Variants in CATSPERT observed in about 807,000 individuals in gnomAD.
CATSPERT encodes the protein catsper channel auxiliary subunit tau, also known as cation channel sperm-associated targeting subunit tau.
the CATSPERT span, among the ~76,000 whole-genome samples, chr2:201,591,403 C>T: frequency 1.6e-4 from 25 of 152,072 alleles, no homozygotes; most frequent in African/African-American, 2.4e-4. Context: ...TAGTATAGTT[C>T]GAAGTCAGGT....
At chr2:201,594,808 G>A in the CATSPERT span, among the ~76,000 whole-genome samples, 143 of 152,070 alleles carry the variant, frequency 9.4e-4, no homozygotes, top group South Asian at 8.9e-3. Context: ...CGTAGTTCTC[G>A]AGCCTTGGTT....
the CATSPERT span, among the ~76,000 whole-genome samples, chr2:201,510,057 CCAGGGACTTAATGTGAT>C: frequency 7.9e-5 from 12 of 150,952 alleles, 1 homozygote; most frequent in African/African-American, 2.5e-4. Context: ...ATGGCTGGCT[CCAGGGACTTAATGTGAT>C]CAGGACACTC....
chr2:201,565,839 T>G, the CATSPERT span: 2 of 1,609,914 alleles, frequency 1.2e-6, no homozygotes, highest in South Asian at 2.2e-5. Flanking sequence ...ATAAGAATGC[T>G]GGATATTCTA....
the CATSPERT span, among the ~76,000 whole-genome samples, chr2:201,596,514 C>T: frequency 6.6e-6 from 1 of 152,088 alleles, no homozygotes; most frequent in Non-Finnish European, 1.5e-5. Context: ...GTACAACAAA[C>T]CCCCATGACA....
At chr2:201,564,080 G>T in the CATSPERT span, among the ~76,000 whole-genome samples, 1 of 152,318 alleles carries the variant, frequency 6.6e-6, no homozygotes. Flanking sequence ...CCCCAAAAGA[G>T]AATGAGTGTC....
At chr2:201,549,878 T>C in the CATSPERT span, 3 of 152,244 alleles carry the variant, frequency 2.0e-5, no homozygotes, top group East Asian at 1.9e-4. Context: ...ATGAATCCTA[T>C]ACATGATAGG....
At chr2:201,530,961 G>GTTT in the CATSPERT span, among the ~76,000 whole-genome samples, 4 of 106,046 alleles carry the variant, frequency 3.8e-5, no homozygotes, top group South Asian at 3.4e-4. Flanking sequence ...TTTTTTGTGG[G>GTTT]TTTTTTTTTT....
the CATSPERT span, among the ~76,000 whole-genome samples, chr2:201,498,064 A>T: frequency 6.6e-6 from 1 of 152,214 alleles, no homozygotes; most frequent in African/African-American, 2.4e-5. Context: ...GAAGCAATAC[A>T]TTCCAAGTCA....
At chr2:201,536,413 C>T in the CATSPERT span, 7 of 1,399,216 alleles carry the variant, frequency 5.0e-6, no homozygotes, top group Non-Finnish European at 6.7e-6. Flanking sequence ...TCAATTGTAC[C>T]CTTATCCTTT....
chr2:201,613,161 T>G, the CATSPERT span, among the ~76,000 whole-genome samples: 2 of 152,224 alleles, frequency 1.3e-5, no homozygotes, highest in Non-Finnish European at 2.9e-5. Flanking sequence ...CAGAAACTTC[T>G]ACAGACTTAA....
At chr2:201,597,700 T>A in the CATSPERT span, among the ~76,000 whole-genome samples, 1 of 152,150 alleles carries the variant, frequency 6.6e-6, no homozygotes, top group South Asian at 2.1e-4. Context: ...AGGATATAGT[T>A]CCTTCATGTA....
the CATSPERT span, chr2:201,494,737 C>T: frequency 6.6e-7 from 1 of 1,507,234 alleles, no homozygotes; most frequent in East Asian, 2.5e-5. Context: ...AGGATCAAAA[C>T]CGTTCTTGTT....
chr2:201,505,599 A>G, the CATSPERT span, among the ~76,000 whole-genome samples: 17 of 148,616 alleles, frequency 1.1e-4, no homozygotes, highest in South Asian at 1.5e-3. Context: ...GTGCTCATCA[A>G]GATTGTCAAA....
chr2:201,589,219 C>T, the CATSPERT span, among the ~76,000 whole-genome samples: 1 of 151,662 alleles, frequency 6.6e-6, no homozygotes, highest in Non-Finnish European at 1.5e-5. Flanking sequence ...CTTATTAAAC[C>T]CCCATTGAGA....
the CATSPERT span, among the ~76,000 whole-genome samples, chr2:201,516,381 AAG>A: frequency 6.6e-6 from 1 of 152,176 alleles, no homozygotes; most frequent in African/African-American, 2.4e-5. Flanking sequence ...GGAGGGGAAA[AAG>A]AGAAGCAAGC....
the CATSPERT span, among the ~76,000 whole-genome samples, chr2:201,571,323 C>T: frequency 5.1e-4 from 78 of 152,308 alleles, no homozygotes; most frequent in African/African-American, 1.7e-3. Flanking sequence ...TTCCCTCAAT[C>T]CCATTTCAGC....
chr2:201,608,863 AAAGAG>A, the CATSPERT span, among the ~76,000 whole-genome samples: 1 of 151,802 alleles, frequency 6.6e-6, no homozygotes, highest in South Asian at 2.1e-4. Context: ...AGAAAAAAGA[AAAGAG>A]AAAGAAAGAA....
chr2:201,563,126 CGGCTGGCCGGGCGGGGGGCTG>C, the CATSPERT span, among the ~76,000 whole-genome samples: 2 of 61,290 alleles, frequency 3.3e-5, no homozygotes, highest in African/African-American at 9.9e-5. Context: ...CCGGATGGGG[CGGCTGGCCGGGCGGGGGGCTG>C]ACCCCCCACC....
the CATSPERT span, among the ~76,000 whole-genome samples, chr2:201,585,634 A>T: frequency 6.6e-6 from 1 of 152,156 alleles, no homozygotes; most frequent in East Asian, 1.9e-4. Context: ...ATACAAAAAA[A>T]AGAGACAATA....
Sources: gnomAD v4.1 joint callset for allele counts (sites outside exome capture counted in the v4.1 genomes callset) on GRCh38, gnomAD v4.1.1 for gene constraint, MANE v1.5 for transcripts, NCBI Gene and HGNC (gene_info 2026-07-23, HGNC 2026-07-21) for gene names.